ZNF385D: variants seen among roughly 807,000 people sequenced by gnomAD.
The protein encoded by ZNF385D is zinc finger protein 659.
ZNF385D carries 15 observed loss-of-function variants against 35.8 expected under a neutral mutation model. That is an observed-to-expected ratio of 0.42 (90% CI 0.28 to 0.64). The LOEUF is 0.64. Among genes scored for constraint, ZNF385D ranks in the 30% least tolerant of loss-of-function variants. ZNF385D has a pLI of 0.23. For synonymous variants in ZNF385D, 212 were observed against 186.8 expected (o/e 1.13, Z -1.10); for missense variants, 474 against 494.6 (o/e 0.96, Z 0.39).
chr3:22,266,352 G>C (rs946166528), intron 2 of ZNF385D, among the ~76,000 whole-genome samples: 1 of 151,904 alleles, frequency 6.6e-6, no homozygotes, highest in Non-Finnish European at 1.5e-5. Context: ...CTCTTGATCA[G>C]AATGTAGAAG....
chr3:21,663,525 G>A (rs1358961157), intron 2 of ZNF385D, among the ~76,000 whole-genome samples: 1 of 151,964 alleles, frequency 6.6e-6, no homozygotes, highest in Non-Finnish European at 1.5e-5. Flanking sequence ...AGAAGAGCAG[G>A]CAAGAAATCA....
chr3:22,110,387 C>A (rs1392090517), intron 3 of ZNF385D, among the ~76,000 whole-genome samples: 1 of 151,882 alleles, frequency 6.6e-6, no homozygotes, highest in Non-Finnish European at 1.5e-5. Flanking sequence ...TGGAACCAAC[C>A]CAAATGTCCA....
rs1475745535 is a variant in ZNF385D, at chr3:21,684,360, G to A, written c.23-19332C>T. 4.8e-5 allele frequency among the ~76,000 whole-genome samples: 4 copies of A among 82,706 alleles called. 1 individual carries two copies. The highest frequency in any genetic ancestry group is 8.9e-5 in the Non-Finnish European group (4 of 45,138). The allele number at this position is 82,706 out of a possible 152,430, so 54.3% of individuals were successfully genotyped here. ...ACACTAAAGCCATAAATGGTTAACT[G>A]TTCTCCTCTCTCTCTCTCTCTCTCT... On this transcript the variant is annotated intron_variant, in intron 1 of 7. Transcript: ENST00000281523.
At position 22,291,002 on chromosome 3, in the gene ZNF385D, C is replaced by T. The variant is rs146418662; in HGVS notation, c.106+81448G>A. Among the ~76,000 whole-genome samples the T allele has an allele frequency of 1.8e-3, 269 of 152,234 alleles. 1 individual carries two copies. The highest frequency in any genetic ancestry group is 6.1e-3 in the African/African-American group (252 of 41,564). ...GATACTTCTTCTTATATGGGCACTACTCCCATCAATGAAGGACTTACCTTC... is the reference window on the plus strand; with the variant it reads ...GATACTTCTTCTTATATGGGCACTATTCCCATCAATGAAGGACTTACCTTC... On this transcript the variant is annotated intron_variant, in intron 2 of 5. Coordinates refer to the ZNF385D transcript ENST00000494108.
intron 3 of ZNF385D, among the ~76,000 whole-genome samples, chr3:22,036,038 T>C (rs926416515): frequency 2.0e-5 from 3 of 152,092 alleles, no homozygotes; most frequent in Non-Finnish European, 4.4e-5. Context: ...ACACCTTGGA[T>C]AAAAAGAAGA....
In ZNF385D at chr3:21,786,767, T is replaced by C. The variant is rs1015268799; in HGVS notation, c.326-121739A>G. ...TGCTTTTGCCATGTCCGTGAACATA[T>C]GCTAATGAATGAAATCAACAGATTT... On this transcript the variant is annotated intron_variant, in intron 3 of 5. Coordinates refer to the ZNF385D transcript ENST00000494108. Among the ~76,000 whole-genome samples, 35 of 152,328 alleles carry C rather than the reference T, an allele frequency of 2.3e-4. 1 individual carries two copies. Among genetic ancestry groups the C allele is most frequent in the African/African-American group, 6.7e-4 (28 of 41,570 alleles).
chr3:21,564,350 C>T (rs764863452), intron 3 of ZNF385D, among the ~76,000 whole-genome samples: 4 of 152,030 alleles, frequency 2.6e-5, no homozygotes, highest in Non-Finnish European at 4.4e-5. Context: ...AAATATTAAA[C>T]TGCAAGTATT....
intron 2 of ZNF385D, among the ~76,000 whole-genome samples, chr3:21,633,222 G>A (rs2065332416): frequency 6.6e-6 from 1 of 152,024 alleles, no homozygotes; most frequent in Non-Finnish European, 1.5e-5. Flanking sequence ...AAGTGGAGCA[G>A]TTTTTATTTC....
chr3:22,226,903 G>A (rs1298414410), intron 2 of ZNF385D, among the ~76,000 whole-genome samples: 1 of 151,992 alleles, frequency 6.6e-6, no homozygotes, highest in African/African-American at 2.4e-5. Flanking sequence ...ATTCAATCTT[G>A]AATCATATCA....
intron 1 of ZNF385D, among the ~76,000 whole-genome samples, chr3:21,709,655 G>T (rs927765708): frequency 6.6e-6 from 1 of 152,066 alleles, no homozygotes; most frequent in Non-Finnish European, 1.5e-5. Flanking sequence ...TCACATACTA[G>T]TTTTAGCAGA....
At chr3:22,021,396 A>G (rs952166212) in intron 3 of ZNF385D, among the ~76,000 whole-genome samples, 9 of 152,028 alleles carry the variant, frequency 5.9e-5, no homozygotes, top group African/African-American at 2.2e-4. Flanking sequence ...AGGCATTAGA[A>G]GGATAGAAAC....
chr3:21,629,255 G>A (rs769618530), intron 2 of ZNF385D, among the ~76,000 whole-genome samples: 6 of 152,040 alleles, frequency 3.9e-5, no homozygotes, highest in African/African-American at 9.7e-5. Flanking sequence ...AAAATGTGCG[G>A]TATTCTGTAT....
chr3:22,124,354 A>G (rs1217974139), intron 3 of ZNF385D, among the ~76,000 whole-genome samples: 2 of 152,082 alleles, frequency 1.3e-5, no homozygotes, highest in African/African-American at 4.8e-5. Context: ...GTTGATTCCA[A>G]TTCATAGCTA....
intron 3 of ZNF385D, among the ~76,000 whole-genome samples, chr3:21,822,469 A>G (rs574331447): frequency 6.6e-6 from 1 of 152,354 alleles, no homozygotes; most frequent in South Asian, 2.1e-4. Context: ...CACGCATGAT[A>G]CTTTGCTGGT....
intron 3 of ZNF385D, among the ~76,000 whole-genome samples, chr3:21,778,077 C>A (rs752043638): frequency 3.3e-5 from 5 of 151,840 alleles, no homozygotes; most frequent in Non-Finnish European, 7.4e-5. Context: ...ACAGCAATGG[C>A]AAACTAATAT....
intron 5 of ZNF385D, 159 bp downstream of exon 5, chr3:21,436,811 A>C (rs1442010695): frequency 1.4e-6 from 1 of 732,892 alleles, no homozygotes; most frequent in Non-Finnish European, 2.2e-6. Context: ...TATAAATGAC[A>C]CTTTGCTCGT....
chr3:22,313,810 A>G (rs2125433109), intron 2 of ZNF385D, among the ~76,000 whole-genome samples: 1 of 152,302 alleles, frequency 6.6e-6, no homozygotes, highest in East Asian at 1.9e-4. Flanking sequence ...GTTATCCTTC[A>G]TAACTAAAAA....
chr3:22,177,942 C>T (rs1159309510), intron 2 of ZNF385D, among the ~76,000 whole-genome samples: 1 of 152,144 alleles, frequency 6.6e-6, no homozygotes, highest in East Asian at 1.9e-4. Flanking sequence ...GTACAGTATT[C>T]CATGGTGTAT....
rs892800865 is a variant in ZNF385D, at chr3:21,417,640, G to T, written c.*3574C>A. Reference sequence around the variant, plus strand: ...GATATTTATTGCTCATGTCTACTATGTGTTGGTTTGTGCCTTAGAAACTCA... The same window carrying T: ...GATATTTATTGCTCATGTCTACTATTTGTTGGTTTGTGCCTTAGAAACTCA... On this transcript the variant is annotated 3_prime_UTR_variant, in exon 8 of 8. Transcript: ENST00000281523. The T allele has an allele frequency of 3.9e-5, 6 of 152,204 alleles. No homozygotes were observed. The highest frequency in any genetic ancestry group is 2.1e-4 in the South Asian group (1 of 4,828). The allele number at this position is 152,204 out of a possible 1,614,324, so 9.4% of individuals were successfully genotyped here. A position where few individuals can be genotyped will look rare whatever the true frequency, so the allele number is the denominator to read the frequency against.
Sources: allele counts gnomAD v4.1 joint callset (sites outside exome capture counted in the v4.1 genomes callset), GRCh38; gene constraint gnomAD v4.1.1; transcripts MANE v1.5; gene names NCBI Gene and HGNC (gene_info 2026-07-23, HGNC 2026-07-21).